Variants in RYR3 observed in about 807,000 individuals in gnomAD.
The protein encoded by RYR3 is ryanodine receptor 3.
In RYR3, 207 loss-of-function variants were observed where a neutral mutation model predicts 584.3. The ratio of observed to expected loss-of-function variants is 0.35; its 90% CI spans 0.32 to 0.40. The LOEUF (loss-of-function observed/expected upper bound fraction) is 0.40. Among genes scored for constraint, RYR3 ranks in the 10% least tolerant of loss-of-function variants. The pLI is 1.00. For synonymous variants in RYR3, 2,416 were observed against 2,248.5 expected (o/e 1.07, Z -2.11); for missense variants, 5,616 against 6,089.2 (o/e 0.92, Z 2.59).
chr15:33,617,738 T>G (rs2060524405), intron 19 of RYR3, among the ~76,000 whole-genome samples: 1 of 146,694 alleles, frequency 6.8e-6, no homozygotes, highest in Non-Finnish European at 1.5e-5. Context: ...TAATACCTGA[T>G]TAGGATGTCC....
intron 55 of RYR3, 128 bp downstream of exon 55, chr15:33,748,658 G>A (rs919502805): frequency 3.0e-5 from 24 of 810,240 alleles, no homozygotes; most frequent in Middle Eastern, 2.2e-4. Flanking sequence ...AACTGAAGAC[G>A]GTCACCTTGT....
chr15:33,608,523 C>G (rs570960581), intron 18 of RYR3, among the ~76,000 whole-genome samples: 2 of 152,184 alleles, frequency 1.3e-5, no homozygotes, highest in African/African-American at 4.8e-5. Flanking sequence ...GTGAGGTGTA[C>G]GTCGTCAGAT....
intron 67 of RYR3, among the ~76,000 whole-genome samples, chr15:33,793,707 T>C (rs189370350): frequency 1.3e-5 from 2 of 152,082 alleles, no homozygotes. Context: ...CCATTATAGA[T>C]ATTGAAGGGA....
At chr15:33,807,515 A>T in intron 69 of RYR3, 40 bp from the exon 70 acceptor site, 1 of 1,549,734 alleles carries the variant, frequency 6.5e-7, no homozygotes, top group Non-Finnish European at 8.7e-7. Flanking sequence ...TTACTGACTG[A>T]CTCTTCTCCT....
At chr15:33,400,050 C>T (rs529334686) in intron 1 of RYR3, among the ~76,000 whole-genome samples, 47 of 152,218 alleles carry the variant, frequency 3.1e-4, no homozygotes, top group African/African-American at 9.6e-4. Flanking sequence ...ACTCCTTTCT[C>T]GCAAGGAAAA....
chr15:33,584,143 C>T (rs941498590), intron 14 of RYR3, among the ~76,000 whole-genome samples: 67 of 152,050 alleles, frequency 4.4e-4, no homozygotes, highest in African/African-American at 1.5e-3. Flanking sequence ...GAGGCTGAGG[C>T]GAGAGGATCA....
chr15:33,498,313 AAG>A (rs1393374638), intron 2 of RYR3, among the ~76,000 whole-genome samples: 1 of 152,180 alleles, frequency 6.6e-6, no homozygotes, highest in Non-Finnish European at 1.5e-5. Context: ...AACAGTGTAT[AAG>A]AGTTTTCTCT....
At chr15:33,806,351 TAC>T (rs1454363246) in intron 69 of RYR3, among the ~76,000 whole-genome samples, 2 of 152,146 alleles carry the variant, frequency 1.3e-5, no homozygotes, top group Non-Finnish European at 2.9e-5. Context: ...TAAGAATCTG[TAC>T]ATTTCTATTA....
intron 1 of RYR3, among the ~76,000 whole-genome samples, chr15:33,404,589 G>T (rs71462864): frequency 0.075 from 10,772 of 144,200 alleles, 472 homozygotes; most frequent in African/African-American, 0.11. Flanking sequence ...ACTACTGTGT[G>T]TTTTTTTTTT....
intron 3 of RYR3, among the ~76,000 whole-genome samples, chr15:33,516,578 C>T (rs1453712237): frequency 6.6e-6 from 1 of 152,136 alleles, no homozygotes; most frequent in Non-Finnish European, 1.5e-5. Flanking sequence ...TCAAGTGATC[C>T]ACCCACCCCA....
intron 48 of RYR3, among the ~76,000 whole-genome samples, chr15:33,734,773 T>C (rs2069284829): frequency 6.9e-6 from 1 of 144,612 alleles, no homozygotes; most frequent in Non-Finnish European, 1.5e-5. Flanking sequence ...CTCTGCAAAC[T>C]CCGCCTCCCA....
intron 16 of RYR3, 53 bp from the exon 17 acceptor site, chr15:33,601,366 C>G (rs12906396): frequency 0.16 from 248,362 of 1,585,082 alleles, 19,979 homozygotes; most frequent in Middle Eastern, 0.17. Context: ...GGTGGTCCTG[C>G]CTGCTGTGCC....
chr15:33,766,380 G>T (rs912218793), intron 60 of RYR3, among the ~76,000 whole-genome samples: 4 of 151,848 alleles, frequency 2.6e-5, no homozygotes, highest in African/African-American at 9.7e-5. Context: ...TCTAAGTTAA[G>T]ACAGGAGACG....
In RYR3 at chr15:33,628,536, G is replaced by A; in HGVS notation, c.2640G>A (p.Trp880Ter). ...DRLAENIHEL[W>*]GMNKIELGWT... ...TAGCTGAAAACATCCATGAGCTTTG[G>A]GGAATGAATAAAATAGAACTTGGCT... The change falls in exon 21 of 104, where the codon TGG becomes TGA. Residue 880 changes from tryptophan (W) to a stop codon, truncating the protein, a stop_gained. Transcript: ENST00000634891. LOFTEE classifies it high-confidence loss of function. 1 of 1,613,808 alleles carries A rather than the reference G, an allele frequency of 6.2e-7. No individual in the cohort carries two copies. Among genetic ancestry groups the A allele is most frequent in the Non-Finnish European group, 8.5e-7 (1 of 1,179,746 alleles).
At chr15:33,341,891 GAC>G (rs1971865523) in intron 1 of RYR3, among the ~76,000 whole-genome samples, 1 of 151,980 alleles carries the variant, frequency 6.6e-6, no homozygotes, top group Non-Finnish European at 1.5e-5. Context: ...GTCATTTCTA[GAC>G]CAGAAGTATA....
Position 33,580,348 on chromosome 15 carries a change from C to G in RYR3, c.1437+204C>G, listed in dbSNP as rs550237286. 6.6e-5 allele frequency among the ~76,000 whole-genome samples: 10 copies of G among 152,274 alleles called. No individual in the cohort carries two copies. In the South Asian group the frequency reaches 2.1e-3, roughly 32 times the overall value. On this transcript the variant is annotated intron_variant, in intron 13 of 103. Transcript: ENST00000634891. ...ATTAGCAATGGCTGGCACGTTCAAACCAGATTACATTTTAAAGCTTCAGTG... is the reference window on the plus strand; with the variant it reads ...ATTAGCAATGGCTGGCACGTTCAAAGCAGATTACATTTTAAAGCTTCAGTG...
At chr15:33,492,566 C>T (rs973533022) in intron 2 of RYR3, among the ~76,000 whole-genome samples, 9 of 152,030 alleles carry the variant, frequency 5.9e-5, no homozygotes, top group African/African-American at 2.2e-4. Flanking sequence ...GGGGAAAAAT[C>T]TCAAAAACAT....
At chr15:33,807,402 C>T (rs191270390) in intron 69 of RYR3, among the ~76,000 whole-genome samples, 153 bp from the exon 70 acceptor site, 30 of 152,306 alleles carry the variant, frequency 2.0e-4, no homozygotes, top group African/African-American at 7.0e-4. Flanking sequence ...ATGCTATGCT[C>T]AACTGGCTTC....
At chr15:33,732,281 G>A (rs1390306763) in intron 48 of RYR3, among the ~76,000 whole-genome samples, 4 of 151,538 alleles carry the variant, frequency 2.6e-5, no homozygotes, top group African/African-American at 9.7e-5. Context: ...CCAGCTACTC[G>A]GGAGGCTGAG....
Sources: allele counts gnomAD v4.1 joint callset (sites outside exome capture counted in the v4.1 genomes callset), GRCh38; gene constraint gnomAD v4.1.1; transcripts MANE v1.5; gene names NCBI Gene and HGNC (gene_info 2026-07-23, HGNC 2026-07-21).